EXTL3: variants seen among roughly 807,000 people sequenced by gnomAD.
The protein encoded by EXTL3 is exostosin like glycosyltransferase 3, also known as exostosin-like 3.
In EXTL3, 27 loss-of-function variants were observed where a neutral mutation model predicts 69.3. The observed-to-expected ratio is 0.39, with a 90% CI of 0.29 to 0.54. The LOEUF (loss-of-function observed/expected upper bound fraction) is 0.54. EXTL3 is among the 20% of genes least tolerant of loss of function. EXTL3 has a pLI of 0.69. For missense variants in EXTL3, 1,003 were observed against 1,231.8 expected (o/e 0.81, Z 2.78); for synonymous variants, 511 against 499.4 (o/e 1.02, Z -0.31).
intron 5 of EXTL3, among the ~76,000 whole-genome samples, chr8:28,739,292 G>A (rs922835445): frequency 1.3e-5 from 2 of 152,128 alleles, no homozygotes; most frequent in Non-Finnish European, 2.9e-5. Context: ...CATCTTGCCA[G>A]TCACCTCAAA....
chr8:28,651,305 C>G (rs1278647023), intron 1 of EXTL3, among the ~76,000 whole-genome samples: 1 of 152,142 alleles, frequency 6.6e-6, no homozygotes, highest in Non-Finnish European at 1.5e-5. Flanking sequence ...CATTATCCTT[C>G]CTGATAAGCT....
intron 1 of EXTL3, among the ~76,000 whole-genome samples, chr8:28,650,506 C>T (rs879720608): frequency 1.2e-4 from 18 of 151,858 alleles, no homozygotes; most frequent in Middle Eastern, 3.4e-3. Flanking sequence ...TACAGGTACG[C>T]GCCACCATAC....
At chr8:28,667,342 G>A (rs1807212784) in intron 1 of EXTL3, among the ~76,000 whole-genome samples, 1 of 152,190 alleles carries the variant, frequency 6.6e-6, no homozygotes, top group African/African-American at 2.4e-5. Flanking sequence ...AGCAGGCCAA[G>A]GATGAGGCCT....
At chr8:28,691,626 G>A (rs1452414336) in intron 1 of EXTL3, among the ~76,000 whole-genome samples, 1 of 140,074 alleles carries the variant, frequency 7.1e-6, no homozygotes, top group Non-Finnish European at 1.5e-5. Flanking sequence ...GGCCGGGCAC[G>A]GTGGCTCACG....
chr8:28,715,282 A>G (rs1440706394), intron 2 of EXTL3, among the ~76,000 whole-genome samples: 2 of 152,224 alleles, frequency 1.3e-5, no homozygotes, highest in East Asian at 3.8e-4. Context: ...TCTTTGTCCC[A>G]TGAATTTAGT....
At chr8:28,672,716 C>T (rs979478031) in intron 1 of EXTL3, among the ~76,000 whole-genome samples, 2 of 152,116 alleles carry the variant, frequency 1.3e-5, no homozygotes, top group African/African-American at 4.8e-5. Context: ...TTCAGAATCA[C>T]GGACTGAGTA....
intron 4 of EXTL3, among the ~76,000 whole-genome samples, chr8:28,735,836 G>T (rs1801640335): frequency 6.6e-6 from 1 of 152,242 alleles, no homozygotes; most frequent in South Asian, 2.1e-4. Context: ...TTGAGAGCAT[G>T]TGTCCATACA....
upstream of EXTL3, chr8:28,696,913 T>G (rs550376862): frequency 3.3e-5 from 5 of 152,354 alleles, no homozygotes; most frequent in Admixed American, 3.3e-4. Context: ...TACTTTTCTG[T>G]TTTTGTGTAA....
At chr8:28,729,067 A>G (rs1033993282) in intron 3 of EXTL3, among the ~76,000 whole-genome samples, 17 of 152,022 alleles carry the variant, frequency 1.1e-4, no homozygotes, top group African/African-American at 3.6e-4. Flanking sequence ...AGGCTGAGGC[A>G]GGCAGATGCC....
rs1315156147 is a variant in EXTL3, at chr8:28,726,885, T to C, written c.2149-4338T>C. Among the ~76,000 whole-genome samples the C allele has an allele frequency of 7.8e-5, 10 of 127,462 alleles. No individual in the cohort carries two copies. In the South Asian group the frequency reaches 1.1e-3, roughly 13 times the overall value. 83.6% of individuals were successfully genotyped at this position (127,462 alleles called of 152,430 possible). A position where few individuals can be genotyped will look rare whatever the true frequency, so the allele number is the denominator to read the frequency against. Reference sequence around the variant, plus strand: ...CTTTAACAGCTTTTCTTTTCTTTTTTTTTTTTTTTTTTTTTGAGACGGAAT... The same window carrying C: ...CTTTAACAGCTTTTCTTTTCTTTTTCTTTTTTTTTTTTTTTGAGACGGAAT... On this transcript the variant is annotated intron_variant, in intron 3 of 6. Transcript: ENST00000220562.
intron 3 of EXTL3, 31 bp from the exon 4 acceptor site, chr8:28,731,192 A>G: frequency 6.2e-7 from 1 of 1,614,060 alleles, no homozygotes. Context: ...ACACAGCCTT[A>G]ATTTTTAATG....
intron 1 of EXTL3, among the ~76,000 whole-genome samples, chr8:28,678,544 C>T (rs925341013): frequency 4.6e-5 from 7 of 152,318 alleles, no homozygotes; most frequent in African/African-American, 9.6e-5. Context: ...TCTCTGCACA[C>T]GCTGGCTCCC....
upstream of EXTL3, among the ~76,000 whole-genome samples, chr8:28,619,266 T>TAAAAAAAAAAAAAAAAA (rs755355444): frequency 1.1e-4 from 7 of 64,650 alleles, no homozygotes; most frequent in Non-Finnish European, 1.7e-4. Context: ...AGCTTAGTGA[T>TAAAAAAAAAAAAAAAAA]AAAAAAAAAA....
intron 1 of EXTL3, among the ~76,000 whole-genome samples, chr8:28,657,640 A>C (rs1480180122): frequency 6.6e-6 from 1 of 151,842 alleles, no homozygotes; most frequent in African/African-American, 2.4e-5. Context: ...TACATCTTTC[A>C]CATTGTACAC....
In EXTL3 at chr8:28,743,170, A is replaced by G; in HGVS notation, c.2506A>G (p.Met836Val). The change falls in exon 6 of 7, where the codon ATG becomes GTG. Residue 836 changes from methionine to valine, a missense_variant. Transcript: ENST00000220562. ...DEYINCEDIA[M>V]NFLVSHITRK... ...ATACATCAACTGTGAGGACATTGCCATGAACTTCCTTGTCTCCCACATCAC... is the reference window on the plus strand; with the variant it reads ...ATACATCAACTGTGAGGACATTGCCGTGAACTTCCTTGTCTCCCACATCAC... 3 of 1,614,232 alleles carry G rather than the reference A, an allele frequency of 1.9e-6. No homozygotes were observed. The highest frequency in any genetic ancestry group is 1.1e-5 in the South Asian group (1 of 91,090).
At chr8:28,686,747 A>G (rs1807584155) in intron 1 of EXTL3, among the ~76,000 whole-genome samples, 4 of 152,222 alleles carry the variant, frequency 2.6e-5, no homozygotes, top group Non-Finnish European at 5.9e-5. Flanking sequence ...CCAAGTAGGT[A>G]GATATTGCAT....
intron 3 of EXTL3, among the ~76,000 whole-genome samples, chr8:28,728,395 G>A (rs1801458831): frequency 6.6e-6 from 1 of 152,266 alleles, no homozygotes; most frequent in South Asian, 2.1e-4. Context: ...TTGTCATTGT[G>A]GACTCTGAGC....
intron 3 of EXTL3, among the ~76,000 whole-genome samples, chr8:28,722,774 T>TA (rs397711641): frequency 0.061 from 5,929 of 97,496 alleles, 177 homozygotes; most frequent in Middle Eastern, 0.073. Context: ...ACCCTGTCTC[T>TA]AAAAAAAAAA....
At position 28,728,680 on chromosome 8, in the gene EXTL3, G is replaced by A. The variant is rs546708021; in HGVS notation, c.2149-2543G>A. On this transcript the variant is annotated intron_variant, in intron 3 of 6. Transcript: ENST00000220562. ...GGAGGGGGAATGCTTGAGACCAGGA[G>A]TTTGAGGCCAGTCAAGGCTACATAG... is the stretch of plus-strand genomic sequence containing the variant. Among the ~76,000 whole-genome samples, 6 of 152,250 alleles carry A rather than the reference G, an allele frequency of 3.9e-5. No individual in the cohort carries two copies. In the South Asian group the frequency reaches 1.2e-3, roughly 32 times the overall value.
Sources: gnomAD v4.1 joint callset for allele counts (sites outside exome capture counted in the v4.1 genomes callset) on GRCh38, gnomAD v4.1.1 for gene constraint, MANE v1.5 for transcripts, NCBI Gene and HGNC (gene_info 2026-07-23, HGNC 2026-07-21) for gene names.